DNAJA2: variants seen among roughly 807,000 people sequenced by gnomAD.
The protein encoded by DNAJA2 is DnaJ heat shock protein family (Hsp40) member A2, also known as dnaJ homolog subfamily A member 2.
In DNAJA2, 6 loss-of-function variants were observed where a neutral mutation model predicts 49.3. That is an observed-to-expected ratio of 0.12 (90% CI 0.07 to 0.24). DNAJA2 has a LOEUF of 0.24. Among genes scored for constraint, DNAJA2 ranks in the 10% least tolerant of loss-of-function variants. The pLI is 1.00. For synonymous variants in DNAJA2, 160 were observed against 172.7 expected, an observed-to-expected ratio of 0.93 and a Z score of 0.58; for missense variants, 347 against 516.8, an observed-to-expected ratio of 0.67 and a Z score of 3.19.
intron 3 of DNAJA2, 90 bp from the exon 4 acceptor site, chr16:46,968,254 T>C (rs1962002076): frequency 3.6e-6 from 3 of 827,888 alleles, no homozygotes; most frequent in Non-Finnish European, 5.7e-6. Context: ...AAATTCGTTA[T>C]CAACTTTTAA....
chr16:46,958,856 A>T, intron 8 of DNAJA2, 147 bp downstream of exon 8: 1 of 800,114 alleles, frequency 1.2e-6, no homozygotes, highest in Non-Finnish European at 1.9e-6. Context: ...AGGTGAGAGG[A>T]TCGCTTCAGC....
Position 46,973,645 on chromosome 16 carries a change from T to TCGGCGG in DNAJA2, c.-79_-74dup. Reference sequence around the variant, plus strand: ...AGCGGAGTCGGGCCCACAAGCGGCGTCGGCGGCGGCACAGGCCGAGGGAGA... The same window carrying TCGGCGG: ...AGCGGAGTCGGGCCCACAAGCGGCGTCGGCGGCGGCGGCGGCACAGGCCGAGGGAGA... On this transcript the variant is annotated 5_prime_UTR_variant, in exon 1 of 9. Coordinates refer to ENST00000317089, the MANE Select transcript of DNAJA2 (RefSeq NM_005880.4). 1 of 1,505,846 alleles carries TCGGCGG rather than the reference T, an allele frequency of 6.6e-7. No homozygotes were observed. The highest frequency in any genetic ancestry group is 9.0e-7 in the Non-Finnish European group (1 of 1,116,786). The allele number at this position is 1,505,846 out of a possible 1,614,324, so 93.3% of individuals were successfully genotyped here.
intron 5 of DNAJA2, among the ~76,000 whole-genome samples, chr16:46,966,268 A>T (rs191438923): frequency 1.3e-5 from 2 of 152,322 alleles, no homozygotes; most frequent in Admixed American, 1.3e-4. Context: ...GTAAAATGCC[A>T]AGACTCTCCA....
At position 46,959,417 on chromosome 16, in the gene DNAJA2, T is replaced by C. The variant is rs150568076; in HGVS notation, c.777A>G (p.Val259=). 1.7e-5 allele frequency: 27 copies of C among 1,608,406 alleles called. No homozygotes were observed. The highest frequency in any genetic ancestry group is 2.0e-5 in the Non-Finnish European group (24 of 1,176,904). Residue 259 remains valine, a splice_region_variant and synonymous_variant, in exon 7 of 9, where the codon GTA becomes GTG. Transcript: ENST00000317089. ...VLLLQEKEHE[V]FQRDGNDLHM... is the part of the protein sequence containing the mutation. ...GCAAATCATTCCCATCTCTCTGAAATACCTATAAATAAAGCACAAAAGAAA... is the reference window on the plus strand; with the variant it reads ...GCAAATCATTCCCATCTCTCTGAAACACCTATAAATAAAGCACAAAAGAAA...
chr16:46,967,613 A>G lies in DNAJA2; in HGVS notation c.477T>C (p.Cys159=), dbSNP rs777158867. The change falls in exon 5 of 9, where the codon TGT becomes TGC. Residue 159 remains cysteine (C), a synonymous_variant. Coordinates refer to ENST00000317089, the MANE Select transcript of DNAJA2 (RefSeq NM_005880.4). ...QGGKSGAVQK[C]SACRGRGVRI... ...GCACACCTCGACCTCGACAAGCACTACACTTTTGGACAGCTCCAGACTTTC... is the reference window on the plus strand; with the variant it reads ...GCACACCTCGACCTCGACAAGCACTGCACTTTTGGACAGCTCCAGACTTTC... 1 of 1,614,168 alleles carries G rather than the reference A, an allele frequency of 6.2e-7. No homozygotes were observed. Among genetic ancestry groups the G allele is most frequent in the Non-Finnish European group, 8.5e-7 (1 of 1,180,034 alleles).
chr16:46,956,151 G>A lies in DNAJA2; in HGVS notation c.*878C>T, dbSNP rs1961807587. Reference sequence around the variant, plus strand: ...TGGTGGTAGGGAGATACAGAAGTCAGGCTAGCCCAGTGCTTGGGAGTTACA... The same window carrying A: ...TGGTGGTAGGGAGATACAGAAGTCAAGCTAGCCCAGTGCTTGGGAGTTACA... On this transcript the variant is annotated 3_prime_UTR_variant, in exon 9 of 9. Coordinates refer to ENST00000317089, the MANE Select transcript of DNAJA2 (RefSeq NM_005880.4). The A allele has an allele frequency of 6.6e-6, 1 of 152,072 alleles. No homozygotes were observed. Among genetic ancestry groups the A allele is most frequent in the Non-Finnish European group, 1.5e-5 (1 of 68,040 alleles). The allele number at this position is 152,072 out of a possible 1,614,324, so 9.4% of individuals were successfully genotyped here. A position where few individuals can be genotyped will look rare whatever the true frequency, so the allele number is the denominator to read the frequency against.
At chr16:46,969,897 T>C (rs958077427) in intron 3 of DNAJA2, among the ~76,000 whole-genome samples, 1 of 152,230 alleles carries the variant, frequency 6.6e-6, no homozygotes. Context: ...ATTTTCTTTT[T>C]AGACCATTTC....
At chr16:46,959,231 T>C (rs929844511) in intron 7 of DNAJA2, 44 bp downstream of exon 7, 1 of 1,582,138 alleles carries the variant, frequency 6.3e-7, no homozygotes, top group Non-Finnish European at 8.6e-7. Flanking sequence ...GTAATTTTTT[T>C]CAAAAATACT....
intron 3 of DNAJA2, 38 bp downstream of exon 3, chr16:46,971,311 G>T (rs368575235): frequency 1.3e-6 from 2 of 1,574,074 alleles, no homozygotes; most frequent in Non-Finnish European, 1.7e-6. Flanking sequence ...TTGACAAAAA[G>T]TACTTAATTT....
chr16:46,968,578 C>T (rs959124760), intron 3 of DNAJA2, among the ~76,000 whole-genome samples: 4 of 152,296 alleles, frequency 2.6e-5, no homozygotes, highest in African/African-American at 9.6e-5. Context: ...ACAGAACAGT[C>T]AAGTAACTTG....
At chr16:46,960,068 C>T (rs1341791688) in intron 6 of DNAJA2, among the ~76,000 whole-genome samples, 1 of 152,230 alleles carries the variant, frequency 6.6e-6, no homozygotes, top group African/African-American at 2.4e-5. Context: ...CTTCACACGC[C>T]CAACCTGCAA....
At chr16:46,967,398 T>C in intron 5 of DNAJA2, 115 bp downstream of exon 5, 11 of 1,368,350 alleles carry the variant, frequency 8.0e-6, no homozygotes, top group Non-Finnish European at 1.1e-5. Context: ...CGGCCTCCTT[T>C]TTCTTTAATA....
At chr16:46,970,884 C>T (rs1445677183) in intron 3 of DNAJA2, among the ~76,000 whole-genome samples, 1 of 151,368 alleles carries the variant, frequency 6.6e-6, no homozygotes, top group South Asian at 2.1e-4. Context: ...TCTAAAAATA[C>T]AAAATTAGCC....
At chr16:46,963,411 G>A (rs138143102) in intron 6 of DNAJA2, among the ~76,000 whole-genome samples, 40 of 151,864 alleles carry the variant, frequency 2.6e-4, no homozygotes, top group African/African-American at 9.2e-4. Context: ...GCTCACACCT[G>A]TAATCCCAGC....
At position 46,963,361 on chromosome 16, in the gene DNAJA2, T is replaced by G. The variant is rs796891680; in HGVS notation, c.774+1250A>C. 1.2e-4 allele frequency among the ~76,000 whole-genome samples: 19 copies of G among 152,132 alleles called. 1 individual carries two copies. Among genetic ancestry groups the G allele is most frequent in the African/African-American group, 4.1e-4 (17 of 41,508 alleles). Reference sequence around the variant, plus strand: ...GGACATTAAAAATATACAAGTGCAATGTTAAAATCAAAATAACATACACTA... The same window carrying G: ...GGACATTAAAAATATACAAGTGCAAGGTTAAAATCAAAATAACATACACTA... On this transcript the variant is annotated intron_variant, in intron 6 of 8. Transcript: ENST00000317089.
intron 2 of DNAJA2, 118 bp downstream of exon 2, chr16:46,971,778 G>A (rs1244817692): frequency 2.3e-5 from 23 of 995,608 alleles, no homozygotes; most frequent in African/African-American, 3.2e-5. Flanking sequence ...TTGACATTAT[G>A]AAAATGTGGC....
intron 8 of DNAJA2, among the ~76,000 whole-genome samples, chr16:46,958,251 C>T (rs1457846157): frequency 6.7e-6 from 1 of 149,984 alleles, no homozygotes; most frequent in African/African-American, 2.5e-5. Flanking sequence ...GCGAGACTCT[C>T]TTAAAAAGAA....
intron 2 of DNAJA2, 104 bp from the exon 3 acceptor site, chr16:46,971,676 A>AAAAG: frequency 1.0e-6 from 1 of 984,280 alleles, no homozygotes; most frequent in African/African-American, 1.7e-5. Context: ...AAAAAAAAAA[A>AAAAG]GGGACAAGTT....
At position 46,967,585 on chromosome 16, in the gene DNAJA2, T is replaced by C. The variant is rs779007173; in HGVS notation, c.505A>G (p.Ile169Val). ...CCTGGAGCCAGCTGTCTGATCATGA[T>C]GCGCACACCTCGACCTCGACAAGCA... ...CSACRGRGVR[I>V]MIRQLAPGMV... Residue 169 changes from isoleucine to valine, a missense_variant, in exon 5 of 9, where the codon ATC becomes GTC. Coordinates refer to ENST00000317089, the MANE Select transcript of DNAJA2 (RefSeq NM_005880.4). 9 of 1,614,090 alleles carry C rather than the reference T, an allele frequency of 5.6e-6. No individual in the cohort carries two copies. The South Asian group carries it at 6.6e-5, about 12-fold the overall frequency.
Sources: allele counts gnomAD v4.1 joint callset (sites outside exome capture counted in the v4.1 genomes callset), GRCh38; gene constraint gnomAD v4.1.1; transcripts MANE v1.5; gene names NCBI Gene and HGNC (gene_info 2026-07-23, HGNC 2026-07-21).